ATF7IP: variants seen among roughly 807,000 people sequenced by gnomAD.
ATF7IP encodes activating transcription factor 7 interacting protein.
Under a neutral mutation model 106.4 loss-of-function variants are expected in ATF7IP, and 23 were observed. The ratio of observed to expected loss-of-function variants is 0.22; its 90% confidence interval spans 0.16 to 0.31. ATF7IP has a LOEUF of 0.31. Ranked by LOEUF, ATF7IP falls within the 10% of genes least tolerant of loss-of-function variation. ATF7IP has a pLI of 1.00. For missense variants in ATF7IP, 1,334 were observed against 1,524.3 expected (o/e 0.88, Z 2.08); for synonymous variants, 542 against 539.0 (o/e 1.01, Z -0.08).
At chr12:14,495,970 G>T (rs1944999334) in intron 13 of ATF7IP, among the ~76,000 whole-genome samples, 1 of 152,016 alleles carries the variant, frequency 6.6e-6, no homozygotes, top group African/African-American at 2.4e-5. Context: ...ACGTACTGGT[G>T]GCACATATTC....
intron 2 of ATF7IP, among the ~76,000 whole-genome samples, chr12:14,428,931 CACTA>C (rs1263691801): frequency 7.2e-5 from 11 of 151,882 alleles, no homozygotes; most frequent in Non-Finnish European, 4.4e-5. Flanking sequence ...AACTAATACT[CACTA>C]ATTATTAAAA....
At position 14,497,835 on chromosome 12, in the gene ATF7IP, C is replaced by G; in HGVS notation, c.3575C>G (p.Thr1192Ser). Residue 1192 changes from threonine (T) to serine (S), a missense_variant, in exon 15 of 15, where the codon ACT (threonine) becomes AGT (serine). This residue lies in a region of ATF7IP where 80 missense variants were observed against 157.0 expected (regional missense o/e 0.51). Coordinates refer to ENST00000261168, the MANE Select transcript of ATF7IP (RefSeq NM_018179.5). ...SVLEVDRSCA[T>S]VDSYHLYAYH... ...CTGGAGGTGGATCGAAGCTGTGCCA[C>G]TGTTGATAGCTACCATCTCTATGCT... is the stretch of plus-strand genomic sequence containing the variant. 1 of 1,614,164 alleles carries G rather than the reference C, an allele frequency of 6.2e-7. No individual in the cohort carries two copies. Among genetic ancestry groups the G allele is most frequent in the Non-Finnish European group, 8.5e-7 (1 of 1,180,030 alleles).
At position 14,410,790 on chromosome 12, in the gene ATF7IP, G is replaced by T. The variant is rs538471254; in HGVS notation, c.-7-13119G>T. 2.6e-5 allele frequency among the ~76,000 whole-genome samples: 4 copies of T among 152,190 alleles called. No homozygotes were observed. In the South Asian group the frequency reaches 8.3e-4, roughly 32 times the overall value. ...ATAGGAAAAAACATAGTATATATAA[G>T]GTTCAGTACTATCCAGTTTCAGGCA... On this transcript the variant is annotated intron_variant, in intron 1 of 14. Transcript: ENST00000261168.
intron 3 of ATF7IP, among the ~76,000 whole-genome samples, chr12:14,435,133 G>GGGAA (rs34308294): frequency 0.02 from 3,022 of 151,028 alleles, 36 homozygotes; most frequent in Middle Eastern, 0.031. Context: ...GGAAGGAAGA[G>GGGAA]GGAAGGAAGG....
intron 5 of ATF7IP, among the ~76,000 whole-genome samples, chr12:14,443,616 A>G (rs1942814604): frequency 6.6e-6 from 1 of 152,210 alleles, no homozygotes; most frequent in African/African-American, 2.4e-5. Context: ...TGTTGTAAAT[A>G]TCATATTTAA....
chr12:14,488,983 C>G (rs1238028722), intron 13 of ATF7IP, among the ~76,000 whole-genome samples: 2 of 152,216 alleles, frequency 1.3e-5, no homozygotes, highest in African/African-American at 4.8e-5. Flanking sequence ...TGCAACTGGT[C>G]ACATGGTAGT....
chr12:14,409,182 T>G (rs1203548573), intron 1 of ATF7IP, among the ~76,000 whole-genome samples: 1 of 151,788 alleles, frequency 6.6e-6, no homozygotes, highest in Non-Finnish European at 1.5e-5. Context: ...AATACATAAA[T>G]GTAGTATTAG....
intron 2 of ATF7IP, among the ~76,000 whole-genome samples, chr12:14,430,242 C>T (rs369439012): frequency 1.3e-3 from 201 of 152,110 alleles, no homozygotes; most frequent in South Asian, 6.4e-3. Context: ...ATAAGGTAAC[C>T]GTTTACTATA....
intron 1 of ATF7IP, among the ~76,000 whole-genome samples, chr12:14,374,367 G>A (rs1938651474): frequency 6.8e-6 from 1 of 147,336 alleles, no homozygotes; most frequent in African/African-American, 2.5e-5. Flanking sequence ...TCCCCTCTTG[G>A]CCTCCCAAAA....
intron 6 of ATF7IP, among the ~76,000 whole-genome samples, chr12:14,448,286 T>C (rs956372051): frequency 2.6e-5 from 4 of 152,214 alleles, no homozygotes; most frequent in African/African-American, 7.2e-5. Context: ...TGAAATCTTA[T>C]CGCTGTAGTA....
chr12:14,481,729 C>A, intron 13 of ATF7IP: 1 of 288,882 alleles, frequency 3.5e-6, no homozygotes, highest in Non-Finnish European at 6.9e-6. Context: ...TTGGTATATT[C>A]TCTACTCTAT....
intron 1 of ATF7IP, among the ~76,000 whole-genome samples, chr12:14,387,421 A>G (rs897576794): frequency 1.3e-5 from 2 of 152,166 alleles, no homozygotes; most frequent in East Asian, 3.9e-4. Context: ...AAATATGTGT[A>G]TTTCAAAACA....
At chr12:14,428,644 C>T (rs773836839) in intron 2 of ATF7IP, among the ~76,000 whole-genome samples, 15 of 152,148 alleles carry the variant, frequency 9.9e-5, no homozygotes, top group Non-Finnish European at 2.1e-4. Flanking sequence ...CTAAAGTTGG[C>T]TTCAGTACTG....
intron 1 of ATF7IP, among the ~76,000 whole-genome samples, chr12:14,413,585 A>C (rs1460298753): frequency 6.6e-6 from 1 of 152,192 alleles, no homozygotes; most frequent in East Asian, 1.9e-4. Flanking sequence ...TAAAATTACT[A>C]TTTGTGTAAT....
chr12:14,446,517 A>G (rs1177352054), intron 5 of ATF7IP, among the ~76,000 whole-genome samples: 1 of 152,226 alleles, frequency 6.6e-6, no homozygotes, highest in East Asian at 1.9e-4. Context: ...AAAGTAATAT[A>G]TGAGCATTCA....
intron 2 of ATF7IP, among the ~76,000 whole-genome samples, chr12:14,429,402 C>T (rs1421820463): frequency 6.6e-6 from 1 of 152,080 alleles, no homozygotes; most frequent in Non-Finnish European, 1.5e-5. Context: ...GCCTCCTCCA[C>T]GTGCTTTTTT....
At chr12:14,488,671 G>A (rs1448169624) in intron 13 of ATF7IP, among the ~76,000 whole-genome samples, 1 of 152,122 alleles carries the variant, frequency 6.6e-6, no homozygotes, top group Admixed American at 6.6e-5. Flanking sequence ...TTGTCAACCT[G>A]AACCCATATA....
intron 8 of ATF7IP, among the ~76,000 whole-genome samples, chr12:14,457,939 CA>C (rs1305818355): frequency 6.6e-6 from 1 of 151,564 alleles, no homozygotes; most frequent in East Asian, 1.9e-4. Context: ...TACCAAAATA[CA>C]AAAATTATCC....
intron 1 of ATF7IP, among the ~76,000 whole-genome samples, chr12:14,372,681 G>A (rs754294109): frequency 6.6e-6 from 1 of 152,186 alleles, no homozygotes; most frequent in Middle Eastern, 3.4e-3. Flanking sequence ...GTAGTAACTA[G>A]CTGTATTTGG....
Sources: allele counts gnomAD v4.1 joint callset (sites outside exome capture counted in the v4.1 genomes callset), GRCh38; gene constraint gnomAD v4.1.1; regional missense constraint gnomAD v4.1.1; transcripts MANE v1.5; gene names NCBI Gene and HGNC (gene_info 2026-07-23, HGNC 2026-07-21).